CLDN10: variants seen among roughly 807,000 people sequenced by gnomAD.
The protein encoded by CLDN10 is claudin 10.
In CLDN10, 15 loss-of-function variants were observed where a neutral mutation model predicts 22.9. The ratio of observed to expected loss-of-function variants is 0.65; its 90% CI spans 0.44 to 1.01. CLDN10 has a LOEUF of 1.01. Ranked by LOEUF, CLDN10 falls within the 50% of genes least tolerant of loss-of-function variation. The probability of loss-of-function intolerance (pLI) is 0.00; values close to 1 mark genes in which losing one functional copy is unlikely to be tolerated. For synonymous variants in CLDN10, 114 were observed against 111.4 expected, an observed-to-expected ratio of 1.02 and a Z score of -0.15; for missense variants, 247 against 287.8, an observed-to-expected ratio of 0.86 and a Z score of 1.03.
At chr13:95,557,632 A>T (rs566190221) in intron 1 of CLDN10, among the ~76,000 whole-genome samples, 80 of 152,096 alleles carry the variant, frequency 5.3e-4, no homozygotes, top group Middle Eastern at 3.4e-3. Context: ...AAGGTACCTC[A>T]TTTTCCAAAT....
chr13:95,539,970 C>A (rs2043441894), intron 1 of CLDN10, among the ~76,000 whole-genome samples: 1 of 150,350 alleles, frequency 6.7e-6, no homozygotes, highest in South Asian at 2.1e-4. Context: ...GCCTGGGCAA[C>A]ATGGTGAAGC....
chr13:95,571,263 A>G (rs918070100), intron 3 of CLDN10, among the ~76,000 whole-genome samples: 6 of 152,164 alleles, frequency 3.9e-5, no homozygotes, highest in Non-Finnish European at 8.8e-5. Flanking sequence ...GATAATGGGC[A>G]TATGTCTGTT....
At position 95,560,414 on chromosome 13, in the gene CLDN10, G is replaced by A. The variant is rs1049064936; in HGVS notation, c.415G>A (p.Ala139Thr). ...CTCAATGACTGGATGTTCCCTATAT[G>A]CAAACAAAATCACAACGGAATTCTT... is the stretch of plus-strand genomic sequence containing the variant. ...LCSMTGCSLY[A>T]NKITTEFFDP... is the part of the protein sequence containing the mutation. Residue 139 changes from alanine to threonine, a missense_variant, in exon 3 of 5, where the codon GCA (alanine) becomes ACA (threonine). Transcript: ENST00000299339. 6.8e-6 allele frequency: 11 copies of A among 1,613,982 alleles called. No individual in the cohort carries two copies. Among genetic ancestry groups the A allele is most frequent in the Non-Finnish European group, 8.5e-6 (10 of 1,179,904 alleles).
chr13:95,503,387 T>C (rs1324788518), intron 1 of CLDN10, among the ~76,000 whole-genome samples: 1 of 152,238 alleles, frequency 6.6e-6, no homozygotes, highest in Non-Finnish European at 1.5e-5. Context: ...AATGCATTTT[T>C]ATATAAAACC....
Position 95,552,781 on chromosome 13 carries a change from G to A in CLDN10, c.28G>A (p.Ala10Thr), listed in dbSNP as rs753799088. 7 of 1,613,266 alleles carry A rather than the reference G, an allele frequency of 4.3e-6. No individual in the cohort carries two copies. Among genetic ancestry groups the A allele is most frequent in the South Asian group, 3.3e-5 (3 of 91,042 alleles). MASTASEII[A>T]FMVSISGWVL... ...GGCTAGCACGGCTTCGGAGATCATCGCCTTCATGGTCTCCATCTCAGGCTG... is the reference window on the plus strand; with the variant it reads ...GGCTAGCACGGCTTCGGAGATCATCACCTTCATGGTCTCCATCTCAGGCTG... Residue 10 changes from alanine (A) to threonine (T), a missense_variant, in exon 1 of 5, where the codon GCC (alanine) becomes ACC (threonine). By Grantham distance (58) the Ala-to-Thr change is moderately conservative (BLOSUM62 0). Transcript: ENST00000299339.
intron 1 of CLDN10, among the ~76,000 whole-genome samples, chr13:95,476,291 A>G (rs538118592): frequency 6.6e-6 from 1 of 152,248 alleles, no homozygotes; most frequent in East Asian, 1.9e-4. Context: ...GACAACAGAA[A>G]TGTATTTCCC....
At chr13:95,446,679 T>C (rs2042381981) in intron 1 of CLDN10, among the ~76,000 whole-genome samples, 1 of 152,128 alleles carries the variant, frequency 6.6e-6, no homozygotes, top group African/African-American at 2.4e-5. Flanking sequence ...CCACCTCTAC[T>C]AAAAATACAA....
At chr13:95,495,284 G>A (rs934196566) in intron 1 of CLDN10, among the ~76,000 whole-genome samples, 9 of 151,738 alleles carry the variant, frequency 5.9e-5, no homozygotes, top group Non-Finnish European at 1.0e-4. Flanking sequence ...TGATCTGTCC[G>A]TCTTGGCTTC....
chr13:95,562,563 C>T (rs1327661262), intron 3 of CLDN10, among the ~76,000 whole-genome samples: 2 of 152,052 alleles, frequency 1.3e-5, no homozygotes, highest in African/African-American at 4.8e-5. Context: ...ATGTACATGG[C>T]AGGAAACATT....
chr13:95,513,242 T>G (rs945114069), intron 1 of CLDN10, among the ~76,000 whole-genome samples: 3 of 152,148 alleles, frequency 2.0e-5, no homozygotes, highest in African/African-American at 7.2e-5. Flanking sequence ...GCCCTTAGAA[T>G]CCATAGTCAA....
Position 95,574,345 on chromosome 13 carries a change from T to A in CLDN10, c.465-2886T>A, listed in dbSNP as rs569168540. Among the ~76,000 whole-genome samples the A allele has an allele frequency of 3.3e-5, 5 of 152,254 alleles. No homozygotes were observed. In the South Asian group the frequency reaches 6.2e-4, roughly 19 times the overall value. ...ATTGTTAAAAAAAAAATGGGGTAGATGTATGGTTTCTGAAATCATCTCCAA... is the reference window on the plus strand; with the variant it reads ...ATTGTTAAAAAAAAAATGGGGTAGAAGTATGGTTTCTGAAATCATCTCCAA... On this transcript the variant is annotated intron_variant, in intron 3 of 4. Transcript: ENST00000299339.
At position 95,477,156 on chromosome 13, in the gene CLDN10, G is replaced by A. The variant is rs182503642; in HGVS notation, c.214+43109G>A. On this transcript the variant is annotated intron_variant, in intron 1 of 4. Coordinates refer to the CLDN10 transcript ENST00000376873. The stretch of plus-strand genomic sequence containing the variant: ...TCTCAGATCTAAGAGAAGTGGGCAC[G>A]CCACGCCATGCAGGGACACCCGGGG... Among the ~76,000 whole-genome samples, 35 of 152,288 alleles carry A rather than the reference G, an allele frequency of 2.3e-4. No homozygotes were observed. In the South Asian group the frequency reaches 5.8e-3, roughly 25 times the overall value.
At chr13:95,475,165 TCAGAC>T (rs1390645220) in intron 1 of CLDN10, among the ~76,000 whole-genome samples, 2 of 138,156 alleles carry the variant, frequency 1.4e-5, no homozygotes. Context: ...GATCAGAGGA[TCAGAC>T]GGCAGCAGCT....
chr13:95,433,872 C>A (rs751698463), exon 1 of CLDN10: 2 of 1,614,128 alleles, frequency 1.2e-6, no homozygotes, highest in East Asian at 2.2e-5. Context: ...TGTCTGGTGT[C>A]GGAGGGTTTG....
intron 1 of CLDN10, among the ~76,000 whole-genome samples, chr13:95,524,019 T>C (rs1344063073): frequency 3.3e-5 from 5 of 152,126 alleles, no homozygotes; most frequent in African/African-American, 1.2e-4. Context: ...ATAATTTCAT[T>C]GTCCTCTGGC....
chr13:95,540,974 A>G (rs558137097), intron 1 of CLDN10, among the ~76,000 whole-genome samples: 39 of 152,378 alleles, frequency 2.6e-4, no homozygotes, highest in Admixed American at 5.9e-4. Flanking sequence ...AGTGGCTTGC[A>G]GTTGACAAGT....
At chr13:95,490,339 C>T (rs1206405039) in intron 1 of CLDN10, among the ~76,000 whole-genome samples, 14 of 152,120 alleles carry the variant, frequency 9.2e-5, no homozygotes. Context: ...ATTAATTCTA[C>T]CCATCCATGA....
At chr13:95,510,670 T>C (rs2043086956) in intron 1 of CLDN10, among the ~76,000 whole-genome samples, 1 of 152,088 alleles carries the variant, frequency 6.6e-6, no homozygotes. Flanking sequence ...ATAATATGTA[T>C]ACATAATTAT....
chr13:95,520,852 C>T (rs182738493), intron 1 of CLDN10, among the ~76,000 whole-genome samples: 6 of 151,972 alleles, frequency 3.9e-5, no homozygotes, highest in African/African-American at 1.2e-4. Flanking sequence ...TAGTGGCATG[C>T]GCCTGTAGTC....
Sources: gnomAD v4.1 joint callset for allele counts (sites outside exome capture counted in the v4.1 genomes callset) on GRCh38, gnomAD v4.1.1 for gene constraint, MANE v1.5 for transcripts, NCBI Gene and HGNC (gene_info 2026-07-23, HGNC 2026-07-21) for gene names.